The following PKNOX2 variants were observed in gnomAD, a reference collection of about 807,000 sequenced individuals.
PKNOX2 encodes homeobox protein PKNOX2.
A neutral mutation model predicts 53.1 loss-of-function variants in PKNOX2; 14 were observed. That is an observed-to-expected ratio of 0.26 (90% CI 0.17 to 0.41). PKNOX2 has a LOEUF of 0.41. PKNOX2 is among the 10% of genes least tolerant of loss of function. The probability of loss-of-function intolerance (pLI) is 1.00; values close to 1 mark genes in which losing one functional copy is unlikely to be tolerated. For synonymous variants in PKNOX2, 257 were observed against 242.8 expected, an observed-to-expected ratio of 1.06 and a Z score of -0.54; for missense variants, 496 against 602.8, an observed-to-expected ratio of 0.82 and a Z score of 1.85.
At chr11:125,223,616 C>A (rs1258177167) in intron 1 of PKNOX2, among the ~76,000 whole-genome samples, 1 of 152,148 alleles carries the variant, frequency 6.6e-6, no homozygotes, top group Non-Finnish European at 1.5e-5. Flanking sequence ...AGTAACGAAG[C>A]CGTCAGTAAG....
chr11:125,401,499 A>G (rs1404381532), intron 7 of PKNOX2, among the ~76,000 whole-genome samples: 1 of 152,198 alleles, frequency 6.6e-6, no homozygotes, highest in Non-Finnish European at 1.5e-5. Context: ...GTAATTACAC[A>G]TAGGCTATGG....
chr11:125,302,069 A>G (rs1948113785), intron 2 of PKNOX2, among the ~76,000 whole-genome samples: 1 of 152,228 alleles, frequency 6.6e-6, no homozygotes, highest in Admixed American at 6.5e-5. Flanking sequence ...GCAGTTCGCC[A>G]GCTGCCTGGA....
intron 7 of PKNOX2, among the ~76,000 whole-genome samples, chr11:125,400,269 C>T (rs1954664222): frequency 2.0e-5 from 3 of 152,174 alleles, no homozygotes; most frequent in African/African-American, 2.4e-5. Flanking sequence ...TTTTCTCTGA[C>T]TGCCACCACC....
intron 2 of PKNOX2, among the ~76,000 whole-genome samples, chr11:125,291,228 G>T (rs1310006782): frequency 6.6e-6 from 1 of 152,184 alleles, no homozygotes; most frequent in African/African-American, 2.4e-5. Context: ...TAGACCCTAA[G>T]AATCAGTGCT....
intron 5 of PKNOX2, among the ~76,000 whole-genome samples, chr11:125,371,876 A>T (rs1952570153): frequency 6.6e-6 from 1 of 152,062 alleles, no homozygotes; most frequent in East Asian, 1.9e-4. Context: ...CAGGTCAGGG[A>T]TAGAGGGTGA....
intron 2 of PKNOX2, among the ~76,000 whole-genome samples, chr11:125,309,608 G>A (rs564795024): frequency 7.9e-5 from 12 of 152,004 alleles, no homozygotes; most frequent in East Asian, 3.9e-4. Flanking sequence ...GGCTGGTATC[G>A]AACTCCTGAC....
chr11:125,279,023 C>T (rs926636764), intron 2 of PKNOX2, among the ~76,000 whole-genome samples: 9 of 152,218 alleles, frequency 5.9e-5, no homozygotes, highest in Non-Finnish European at 1.3e-4. Flanking sequence ...ATTCTCTCCT[C>T]GTGGTCACCA....
At chr11:125,269,218 C>A (rs903297609) in intron 2 of PKNOX2, among the ~76,000 whole-genome samples, 35 of 152,268 alleles carry the variant, frequency 2.3e-4, no homozygotes, top group African/African-American at 7.2e-4. Context: ...ACCTCGATAA[C>A]GCTTGTCAGA....
intron 10 of PKNOX2, 82 bp downstream of exon 10, chr11:125,411,947 G>T (rs988090423): frequency 9.4e-6 from 15 of 1,588,602 alleles, no homozygotes; most frequent in African/African-American, 1.3e-5. Flanking sequence ...CTCTGCTGTC[G>T]GCTCCAAACC....
intron 1 of PKNOX2, among the ~76,000 whole-genome samples, chr11:125,209,144 A>G (rs759704883): frequency 6.6e-6 from 1 of 152,138 alleles, no homozygotes; most frequent in Non-Finnish European, 1.5e-5. Context: ...ATTACAAAGC[A>G]CTTCAAATCT....
chr11:125,187,162 T>C (rs765797834), intron 1 of PKNOX2, among the ~76,000 whole-genome samples: 1 of 152,178 alleles, frequency 6.6e-6, no homozygotes, highest in Non-Finnish European at 1.5e-5. Context: ...TCCAACTTTG[T>C]TCCTCTTTTT....
intron 2 of PKNOX2, among the ~76,000 whole-genome samples, chr11:125,320,861 G>T (rs1034448175): frequency 9.2e-5 from 14 of 152,156 alleles, no homozygotes; most frequent in Non-Finnish European, 1.9e-4. Context: ...ACTCCATGCT[G>T]GCAACCACAC....
intron 2 of PKNOX2, among the ~76,000 whole-genome samples, chr11:125,235,677 C>T (rs1315824640): frequency 2.0e-5 from 3 of 152,234 alleles, no homozygotes; most frequent in Non-Finnish European, 2.9e-5. Context: ...CTGTGGGACC[C>T]GGCCTAAGTC....
chr11:125,389,480 C>T (rs892451608), intron 6 of PKNOX2, among the ~76,000 whole-genome samples: 2 of 152,172 alleles, frequency 1.3e-5, no homozygotes, highest in African/African-American at 4.8e-5. Context: ...CTGCAATGCC[C>T]CTGGCTGGCT....
Position 125,179,309 on chromosome 11 carries a change from G to A in PKNOX2, c.-201+14533G>A, listed in dbSNP as rs79352869. ...TTTTAAAAATCACACGAATAAATGT[G>A]AGAATATGAATGACATACGAGCTTT... is the stretch of plus-strand genomic sequence containing the variant. On this transcript the variant is annotated intron_variant, in intron 1 of 12. Transcript: ENST00000298282. Among the ~76,000 whole-genome samples the A allele has an allele frequency of 3.3e-3, 502 of 152,246 alleles. 1 individual carries two copies. The highest frequency in any genetic ancestry group is 4.9e-3 in the Non-Finnish European group (331 of 68,022).
chr11:125,267,357 G>C (rs573219449), intron 2 of PKNOX2, among the ~76,000 whole-genome samples: 5 of 152,212 alleles, frequency 3.3e-5, no homozygotes, highest in African/African-American at 9.6e-5. Flanking sequence ...TGTCCTGAAG[G>C]CTTGTAGAGG....
chr11:125,317,180 G>A (rs569605067), intron 2 of PKNOX2, among the ~76,000 whole-genome samples: 10 of 152,268 alleles, frequency 6.6e-5, no homozygotes, highest in African/African-American at 2.2e-4. Flanking sequence ...TCTCATTCTA[G>A]TTCTCTTGCT....
intron 7 of PKNOX2, among the ~76,000 whole-genome samples, chr11:125,398,700 G>GA (rs11423642): frequency 0.43 from 65,290 of 152,088 alleles, 16,482 homozygotes; most frequent in African/African-American, 0.71. Context: ...CTTTGGGCAA[G>GA]ATGGGGTTTC....
chr11:125,370,499 G>A lies in PKNOX2; in HGVS notation c.227+2514G>A, dbSNP rs1049044639. On this transcript the variant is annotated intron_variant, in intron 5 of 12. Transcript: ENST00000298282. The surrounding 1 kb of genome is among the most constrained non-coding windows in gnomAD (Gnocchi z 4.1). ...TCTTCTCCCACCGGGCTAACCACCC[G>A]CAACCCTTGGTGTTTGCCCAAAGTA... Among the ~76,000 whole-genome samples, 1 of 152,148 alleles carries A rather than the reference G, an allele frequency of 6.6e-6. No individual in the cohort carries two copies. Among genetic ancestry groups the A allele is most frequent in the Non-Finnish European group, 1.5e-5 (1 of 68,020 alleles).
Sources: allele counts gnomAD v4.1 joint callset (sites outside exome capture counted in the v4.1 genomes callset), GRCh38; gene constraint gnomAD v4.1.1; non-coding constraint Gnocchi (gnomAD v3.1); transcripts MANE v1.5; gene names NCBI Gene and HGNC (gene_info 2026-07-23, HGNC 2026-07-21).